ELMO1: variants seen among roughly 807,000 people sequenced by gnomAD.
ELMO1 encodes the protein engulfment and cell motility protein 1.
Under a neutral mutation model 98.9 loss-of-function variants are expected in ELMO1, and 26 were observed. The observed-to-expected ratio is 0.26, with a 90% CI of 0.19 to 0.36. The LOEUF (loss-of-function observed/expected upper bound fraction) is 0.36. Among genes scored for constraint, ELMO1 ranks in the 10% least tolerant of loss-of-function variants. The pLI is 1.00. For synonymous variants in ELMO1, 346 were observed against 346.0 expected (o/e 1.00, Z 0.00); for missense variants, 627 against 935.2 (o/e 0.67, Z 4.30).
At chr7:37,196,550 A>C (rs1791973729) in intron 13 of ELMO1, among the ~76,000 whole-genome samples, 1 of 152,130 alleles carries the variant, frequency 6.6e-6, no homozygotes, top group Non-Finnish European at 1.5e-5. Context: ...ACAGTGAGAC[A>C]AGCATTTGGT....
At chr7:36,913,285 C>T (rs1183719287) in intron 16 of ELMO1, among the ~76,000 whole-genome samples, 2 of 151,974 alleles carry the variant, frequency 1.3e-5, no homozygotes, top group Non-Finnish European at 2.9e-5. Context: ...GTTTGGGGAC[C>T]CTGTTGATCT....
intron 2 of ELMO1, among the ~76,000 whole-genome samples, chr7:37,338,468 T>G: frequency 6.6e-6 from 1 of 152,206 alleles, no homozygotes; most frequent in East Asian, 1.9e-4. Context: ...GATCTTGGAC[T>G]TCCCAGCCTC....
At chr7:36,878,798 C>T (rs1804178825) in intron 18 of ELMO1, among the ~76,000 whole-genome samples, 1 of 152,192 alleles carries the variant, frequency 6.6e-6, no homozygotes, top group Non-Finnish European at 1.5e-5. Context: ...TCCTTATAAA[C>T]AACTTCCTCA....
At chr7:37,157,037 C>T (rs1207397437) in intron 13 of ELMO1, among the ~76,000 whole-genome samples, 2 of 152,192 alleles carry the variant, frequency 1.3e-5, no homozygotes, top group Non-Finnish European at 2.9e-5. Context: ...AAACATAATC[C>T]ATCACATAAA....
In ELMO1 at chr7:37,126,216, C is replaced by T. The variant is rs543501572; in HGVS notation, c.1191+6914G>A. Among the ~76,000 whole-genome samples the T allele has an allele frequency of 8.4e-4, 126 of 150,110 alleles. 1 individual carries two copies. Among genetic ancestry groups the T allele is most frequent in the Non-Finnish European group, 8.3e-4 (56 of 67,740 alleles). On this transcript the variant is annotated intron_variant, in intron 14 of 21. Coordinates refer to ENST00000310758, the MANE Select transcript of ELMO1 (RefSeq NM_014800.11). ...AATGTAAATGACTAGTTAATGGGTG[C>T]GGCACACCAACATGGCACATGTATA...
chr7:37,443,390 G>A (rs533687233), intron 1 of ELMO1, among the ~76,000 whole-genome samples: 2 of 152,284 alleles, frequency 1.3e-5, no homozygotes, highest in East Asian at 3.9e-4. Context: ...TGGGGGCCCG[G>A]AACACTGAGA....
chr7:36,988,886 C>G (rs1440237766), intron 16 of ELMO1, among the ~76,000 whole-genome samples: 1 of 152,188 alleles, frequency 6.6e-6, no homozygotes, highest in African/African-American at 2.4e-5. Flanking sequence ...TTGCAGTGCT[C>G]CAGTTAAATG....
intron 15 of ELMO1, among the ~76,000 whole-genome samples, chr7:37,020,196 T>C (rs1004054778): frequency 6.6e-6 from 1 of 152,180 alleles, no homozygotes; most frequent in Non-Finnish European, 1.5e-5. Flanking sequence ...AATGGATTTG[T>C]AAGACCCCTG....
In ELMO1 at chr7:36,984,226, C is replaced by G. The variant is rs376573217; in HGVS notation, c.1437+29073G>C. On this transcript the variant is annotated intron_variant, in intron 16 of 21. Transcript: ENST00000310758. The stretch of plus-strand genomic sequence containing the variant: ...GCAGCAGGCAGAGTTAACATGCACA[C>G]AAGCTCTTCCAGTCAGGCAGAATTC... Among the ~76,000 whole-genome samples, 90 of 152,312 alleles carry G rather than the reference C, an allele frequency of 5.9e-4. 2 individuals are homozygous for G. The highest frequency in any genetic ancestry group is 2.1e-3 in the African/African-American group (88 of 41,562).
At chr7:36,980,127 C>T (rs922311926) in intron 16 of ELMO1, among the ~76,000 whole-genome samples, 17 of 152,198 alleles carry the variant, frequency 1.1e-4, no homozygotes, top group Non-Finnish European at 2.4e-4. Flanking sequence ...AACACCTCCA[C>T]GGAACAGCTG....
chr7:36,917,264 T>G (rs1203605629), intron 16 of ELMO1, among the ~76,000 whole-genome samples: 1 of 152,208 alleles, frequency 6.6e-6, no homozygotes, highest in Non-Finnish European at 1.5e-5. Context: ...AATATCCTTT[T>G]GAGTAGAAAA....
intron 13 of ELMO1, among the ~76,000 whole-genome samples, chr7:37,155,669 T>C (rs542491652): frequency 7.0e-4 from 107 of 152,172 alleles, no homozygotes; most frequent in Non-Finnish European, 1.3e-3. Flanking sequence ...TCCAGATTCA[T>C]AAAGCAAGTT....
At chr7:37,422,358 G>T (rs1003350865) in intron 1 of ELMO1, among the ~76,000 whole-genome samples, 2 of 152,148 alleles carry the variant, frequency 1.3e-5, no homozygotes, top group African/African-American at 4.8e-5. Context: ...ACATTTCTCT[G>T]GCCAAGAGGT....
At chr7:37,166,480 T>C (rs919465882) in intron 13 of ELMO1, among the ~76,000 whole-genome samples, 1 of 152,184 alleles carries the variant, frequency 6.6e-6, no homozygotes, top group African/African-American at 2.4e-5. Flanking sequence ...CATTTAGTGC[T>C]ATAAATTTCC....
chr7:37,123,672 A>G (rs9639751), intron 14 of ELMO1, among the ~76,000 whole-genome samples: 42,352 of 152,012 alleles, frequency 0.28, 8,192 homozygotes, highest in African/African-American at 0.56. Flanking sequence ...AAAAGTCCAG[A>G]ACCAGACAGA....
intron 16 of ELMO1, among the ~76,000 whole-genome samples, chr7:36,964,779 C>T (rs1211528514): frequency 1.3e-5 from 2 of 152,090 alleles, no homozygotes; most frequent in East Asian, 1.9e-4. Flanking sequence ...GCATACACAA[C>T]GCATACGTGA....
chr7:37,047,085 T>G (rs1224468708), intron 15 of ELMO1, among the ~76,000 whole-genome samples: 1 of 152,190 alleles, frequency 6.6e-6, no homozygotes, highest in Non-Finnish European at 1.5e-5. Flanking sequence ...TGTTGCTTAT[T>G]TAACTTGTAA....
chr7:37,083,636 GGTTT>G (rs1369373804), intron 15 of ELMO1, among the ~76,000 whole-genome samples: 1 of 152,238 alleles, frequency 6.6e-6, no homozygotes, highest in Non-Finnish European at 1.5e-5. Flanking sequence ...AGCCACATTG[GGTTT>G]GTTTGCTGGG....
intron 16 of ELMO1, among the ~76,000 whole-genome samples, chr7:36,909,991 T>C (rs75420318): frequency 0.029 from 4,376 of 152,254 alleles, 217 homozygotes; most frequent in African/African-American, 0.1. Flanking sequence ...CAATACTCCA[T>C]TGCCCCTTCT....
Sources: gnomAD v4.1 joint callset for allele counts (sites outside exome capture counted in the v4.1 genomes callset) on GRCh38, gnomAD v4.1.1 for gene constraint, MANE v1.5 for transcripts, NCBI Gene and HGNC (gene_info 2026-07-23, HGNC 2026-07-21) for gene names.